PDE4D: variants seen among roughly 807,000 people sequenced by gnomAD.
PDE4D encodes the protein phosphodiesterase 4D, also known as 3',5'-cyclic-AMP phosphodiesterase 4D.
Under a neutral mutation model 87.4 loss-of-function variants are expected in PDE4D, and 24 were observed. The observed-to-expected ratio is 0.27, with a 90% CI of 0.20 to 0.39. The LOEUF is 0.39. Among genes scored for constraint, PDE4D ranks in the 10% least tolerant of loss-of-function variants. The probability of loss-of-function intolerance (pLI) is 1.00; values close to 1 mark genes in which losing one functional copy is unlikely to be tolerated. For missense variants in PDE4D, 714 were observed against 1,041.0 expected (o/e 0.69, Z 4.32); for synonymous variants, 384 against 383.2 (o/e 1.00, Z -0.02).
chr5:60,169,827 A>G (rs906640634), intron 2 of PDE4D, among the ~76,000 whole-genome samples: 8 of 151,274 alleles, frequency 5.3e-5, no homozygotes, highest in Non-Finnish European at 4.4e-5. Flanking sequence ...AGAATGCAAT[A>G]ACAATAATTT....
At chr5:60,380,879 C>T (rs1190671377) in intron 1 of PDE4D, among the ~76,000 whole-genome samples, 1 of 152,192 alleles carries the variant, frequency 6.6e-6, no homozygotes, top group African/African-American at 2.4e-5. Context: ...AACTCAAACA[C>T]ATATCTAACA....
At chr5:60,157,968 G>T (rs1376242772) in intron 2 of PDE4D, among the ~76,000 whole-genome samples, 1 of 144,420 alleles carries the variant, frequency 6.9e-6, no homozygotes. Flanking sequence ...CTTTCCTCTA[G>T]CATTGAGGGT....
At chr5:58,988,370 A>G (rs909077693) in intron 11 of PDE4D, 123 bp downstream of exon 11, 36 of 409,918 alleles carry the variant, frequency 8.8e-5, no homozygotes, top group Admixed American at 6.0e-4. Context: ...TATCACTAAA[A>G]CACATATATA....
intron 3 of PDE4D, among the ~76,000 whole-genome samples, chr5:59,899,200 G>C (rs1751973042): frequency 6.6e-6 from 1 of 151,828 alleles, no homozygotes; most frequent in African/African-American, 2.4e-5. Context: ...TCTTTCAGTG[G>C]GGACTAAAGA....
intron 2 of PDE4D, among the ~76,000 whole-genome samples, chr5:60,007,315 A>G (rs1230105749): frequency 2.0e-5 from 3 of 152,072 alleles, no homozygotes; most frequent in Non-Finnish European, 2.9e-5. Flanking sequence ...GTGTTTTGTA[A>G]GTTAAATTAC....
intron 1 of PDE4D, among the ~76,000 whole-genome samples, chr5:59,511,826 A>G (rs2153668949): frequency 6.6e-6 from 1 of 152,158 alleles, no homozygotes; most frequent in East Asian, 1.9e-4. Context: ...AGGCCAAGTT[A>G]CAGCCCGTTG....
At chr5:59,578,328 AAAC>A (rs1447118155) in intron 1 of PDE4D, among the ~76,000 whole-genome samples, 1 of 152,168 alleles carries the variant, frequency 6.6e-6, no homozygotes, top group African/African-American at 2.4e-5. Flanking sequence ...CTACCAAATA[AAAC>A]AACAACAACA....
chr5:60,198,803 G>T (rs1319828032), intron 1 of PDE4D, among the ~76,000 whole-genome samples: 1 of 151,452 alleles, frequency 6.6e-6, no homozygotes, highest in East Asian at 1.9e-4. Flanking sequence ...CCTTGAATTT[G>T]GCTTATCCTT....
At chr5:59,061,613 A>G (rs1175866804) in intron 5 of PDE4D, among the ~76,000 whole-genome samples, 1 of 152,076 alleles carries the variant, frequency 6.6e-6, no homozygotes, top group Non-Finnish European at 1.5e-5. Flanking sequence ...TTGCTCCAGC[A>G]TCACACCCTC....
At chr5:60,032,319 T>C (rs1362907255) in intron 2 of PDE4D, among the ~76,000 whole-genome samples, 1 of 152,220 alleles carries the variant, frequency 6.6e-6, no homozygotes, top group Non-Finnish European at 1.5e-5. Flanking sequence ...TCACACTGAA[T>C]AATTCAGGCT....
chr5:59,676,104 C>T (rs1748040246), intron 1 of PDE4D, among the ~76,000 whole-genome samples: 1 of 151,802 alleles, frequency 6.6e-6, no homozygotes, highest in East Asian at 1.9e-4. Context: ...TATATACACA[C>T]ACACACACAC....
At chr5:59,403,174 CAGAT>C (rs1192935958) in intron 1 of PDE4D, among the ~76,000 whole-genome samples, 21 of 90,878 alleles carry the variant, frequency 2.3e-4, no homozygotes, top group South Asian at 1.1e-3. Context: ...GACAGACAGA[CAGAT>C]AGATAGATAG....
intron 1 of PDE4D, among the ~76,000 whole-genome samples, chr5:60,189,091 G>A (rs185227153): frequency 1.1e-4 from 17 of 152,274 alleles, no homozygotes; most frequent in East Asian, 5.8e-4. Context: ...AAAGCCAGGC[G>A]AGAGAACACT....
At chr5:59,960,595 T>G (rs1759357926) in intron 3 of PDE4D, among the ~76,000 whole-genome samples, 1 of 152,108 alleles carries the variant, frequency 6.6e-6, no homozygotes, top group Admixed American at 6.6e-5. Flanking sequence ...AATGAATGAA[T>G]GAATGCAGAA....
At chr5:59,427,634 GA>G (rs1795486759) in intron 1 of PDE4D, among the ~76,000 whole-genome samples, 1 of 152,062 alleles carries the variant, frequency 6.6e-6, no homozygotes, top group African/African-American at 2.4e-5. Flanking sequence ...AACTGTTTGA[GA>G]AGAGCCTGGG....
rs548335725 is a variant in PDE4D at position 59,156,320 on chromosome 5, A to AAAAAATATATAT, written c.808+24274_808+24275insATATATATTTTT. Among the ~76,000 whole-genome samples the AAAAAATATATAT allele has an allele frequency of 3.5e-3, 288 of 81,746 alleles. 4 individuals carry two copies. The highest frequency in any genetic ancestry group is 0.013 in the African/African-American group (255 of 19,624). 53.6% of individuals were successfully genotyped at this position (81,746 alleles called of 152,430 possible). The stretch of plus-strand genomic sequence containing the variant: ...CTAGAGACTTGCCAGAAAAAAAAAA[A>AAAAAATATATAT]ATATATATATATGTGTGTGTGTGTG... On this transcript the variant is annotated intron_variant, in intron 5 of 14. Coordinates refer to ENST00000340635, the MANE Select transcript of PDE4D (RefSeq NM_001104631.2).
intron 1 of PDE4D, among the ~76,000 whole-genome samples, chr5:60,299,729 A>T (rs889443235): frequency 1.3e-5 from 2 of 152,062 alleles, no homozygotes; most frequent in African/African-American, 4.8e-5. Context: ...AAGGACATGA[A>T]CTCATCCTTT....
chr5:59,787,652 A>T (rs1388339419), intron 1 of PDE4D, among the ~76,000 whole-genome samples: 1 of 152,208 alleles, frequency 6.6e-6, no homozygotes, highest in African/African-American at 2.4e-5. Context: ...ATAATTCTAT[A>T]TTTTTATGAT....
intron 1 of PDE4D, among the ~76,000 whole-genome samples, chr5:60,339,002 C>T (rs1440498668): frequency 1.3e-5 from 2 of 152,096 alleles, no homozygotes; most frequent in South Asian, 2.1e-4. Context: ...TTATGTCTTC[C>T]GCCCACAAAT....
Sources: allele counts gnomAD v4.1 joint callset (sites outside exome capture counted in the v4.1 genomes callset), GRCh38; gene constraint gnomAD v4.1.1; transcripts MANE v1.5; gene names NCBI Gene and HGNC (gene_info 2026-07-23, HGNC 2026-07-21).